TTC23L: variants seen among roughly 807,000 people sequenced by gnomAD.
TTC23L encodes the protein tetratricopeptide repeat domain 23 like.
TTC23L carries 42 observed loss-of-function variants against 48.1 expected under a neutral mutation model. The observed-to-expected ratio is 0.87, with a 90% CI of 0.68 to 1.13. The LOEUF (loss-of-function observed/expected upper bound fraction) is 1.13, where lower values mean the gene tolerates loss of function less well. Among genes scored for constraint, TTC23L ranks in the 50% most tolerant of loss-of-function variants. TTC23L has a pLI of 0.00. For synonymous variants in TTC23L, 159 were observed against 157.2 expected, an observed-to-expected ratio of 1.01 and a Z score of -0.09; for missense variants, 391 against 421.0, an observed-to-expected ratio of 0.93 and a Z score of 0.62.
At chr5:34,912,925 C>A in the TTC23L span, among the ~76,000 whole-genome samples, 1 of 152,084 alleles carries the variant, frequency 6.6e-6, no homozygotes, top group Non-Finnish European at 1.5e-5. Flanking sequence ...CACTTGAACC[C>A]GGGAGGCAGA....
the TTC23L span, chr5:34,921,814 G>A: frequency 6.5e-6 from 1 of 154,634 alleles, no homozygotes; most frequent in Non-Finnish European, 1.4e-5. Context: ...GGCTGAAGCA[G>A]GAGAATCATT....
chr5:34,844,247 C>T (rs1366663993), intron 2 of TTC23L, among the ~76,000 whole-genome samples: 1 of 152,302 alleles, frequency 6.6e-6, no homozygotes, highest in East Asian at 1.9e-4. Flanking sequence ...AGAAGGCAAG[C>T]CTGCCTGCGC....
the TTC23L span, chr5:34,922,145 T>C: frequency 3.6e-6 from 3 of 834,682 alleles, no homozygotes; most frequent in Non-Finnish European, 5.8e-6. Context: ...CTGGATGATA[T>C]TAATCACATA....
At chr5:34,896,448 T>TGAA (rs1393888520) in intron 9 of TTC23L, among the ~76,000 whole-genome samples, 1 of 152,188 alleles carries the variant, frequency 6.6e-6, no homozygotes, top group Non-Finnish European at 1.5e-5. Context: ...ACCTTGTGTG[T>TGAA]GAATCCCAAA....
intron 8 of TTC23L, among the ~76,000 whole-genome samples, chr5:34,872,356 G>A (rs1761526748): frequency 6.6e-6 from 1 of 152,050 alleles, no homozygotes; most frequent in South Asian, 2.1e-4. Flanking sequence ...AAAAATAAAA[G>A]CAAAGTTACT....
At chr5:34,890,888 C>T (rs374476327) in intron 9 of TTC23L, among the ~76,000 whole-genome samples, 193 of 152,264 alleles carry the variant, frequency 1.3e-3, no homozygotes, top group African/African-American at 4.4e-3. Flanking sequence ...AGGCATCTGC[C>T]ACTGCACCCA....
chr5:34,848,771 G>A (rs1759433611), intron 3 of TTC23L, among the ~76,000 whole-genome samples: 2 of 152,076 alleles, frequency 1.3e-5, no homozygotes, highest in African/African-American at 4.8e-5. Context: ...AGACAGAGTA[G>A]GAGGAAAGGG....
chr5:34,888,937 G>C (rs756341443), intron 9 of TTC23L, among the ~76,000 whole-genome samples: 4 of 152,080 alleles, frequency 2.6e-5, no homozygotes, highest in Admixed American at 1.3e-4. Flanking sequence ...CATAAGGCAA[G>C]TTTTTTTAGG....
chr5:34,846,539 C>T (rs163123), intron 3 of TTC23L, among the ~76,000 whole-genome samples: 12,371 of 118,990 alleles, frequency 0.1, 1,298 homozygotes, highest in African/African-American at 0.27. Flanking sequence ...CAGCCCGGGC[C>T]GACAACAGCT....
At chr5:34,919,824 T>C in the TTC23L span, 2 of 912,740 alleles carry the variant, frequency 2.2e-6, no homozygotes, top group East Asian at 2.8e-5. Context: ...GCTTTTTCTT[T>C]TTTTTCTTTT....
At chr5:34,910,223 G>T in the TTC23L span, among the ~76,000 whole-genome samples, 2 of 152,098 alleles carry the variant, frequency 1.3e-5, no homozygotes, top group East Asian at 3.9e-4. Flanking sequence ...TCCTGGAGAT[G>T]AAAGATACCA....
chr5:34,880,027 A>C (rs1762113743), intron 8 of TTC23L, among the ~76,000 whole-genome samples, 154 bp from the exon 9 acceptor site: 2 of 152,134 alleles, frequency 1.3e-5, no homozygotes, highest in Admixed American at 1.3e-4. Context: ...CAGCAAAAAA[A>C]CCACACATCT....
chr5:34,869,190 C>A (rs151071086), intron 8 of TTC23L, 177 bp downstream of exon 8: 1 of 535,508 alleles, frequency 1.9e-6, no homozygotes, highest in Non-Finnish European at 3.4e-6. Flanking sequence ...TATACCCCCA[C>A]ATTCGTTGGA....
the TTC23L span, among the ~76,000 whole-genome samples, chr5:34,919,274 CAAAAAAAAAAAAAAAA>C: frequency 5.6e-5 from 2 of 35,966 alleles, no homozygotes; most frequent in Non-Finnish European, 1.0e-4. Context: ...GACCCTGTCT[CAAAAAAAAAAAAAAAA>C]AAAAAAAAAA....
At chr5:34,885,581 C>CAATA (rs762377103) in intron 9 of TTC23L, among the ~76,000 whole-genome samples, 37 of 151,888 alleles carry the variant, frequency 2.4e-4, no homozygotes, top group Middle Eastern at 3.4e-3. Context: ...CCCATTTCTA[C>CAATA]AATAAATAAA....
intron 9 of TTC23L, among the ~76,000 whole-genome samples, chr5:34,886,174 T>C (rs1422642591): frequency 2.0e-5 from 3 of 152,056 alleles, no homozygotes; most frequent in African/African-American, 7.2e-5. Flanking sequence ...CCATGAAGAT[T>C]AAATAGTATT....
At chr5:34,923,742 G>T in the TTC23L span, among the ~76,000 whole-genome samples, 2 of 152,062 alleles carry the variant, frequency 1.3e-5, no homozygotes, top group Non-Finnish European at 2.9e-5. Flanking sequence ...GGATATACAG[G>T]GTTTGCATAC....
At chr5:34,899,467 C>G (rs1266836470), downstream of TTC23L, 1 of 152,616 alleles carries the variant, frequency 6.6e-6, no homozygotes, top group East Asian at 1.9e-4. Flanking sequence ...TAAAAATTCT[C>G]GACCACAAAA....
intron 6 of TTC23L, 119 bp from the exon 7 acceptor site, chr5:34,866,773 G>T (rs1448338499): frequency 1.1e-6 from 1 of 886,148 alleles, no homozygotes; most frequent in Non-Finnish European, 1.7e-6. Flanking sequence ...TTTTGAGCCA[G>T]CTACCAAGAT....
Sources: allele counts gnomAD v4.1 joint callset (sites outside exome capture counted in the v4.1 genomes callset), GRCh38; gene constraint gnomAD v4.1.1; transcripts MANE v1.5; gene names NCBI Gene and HGNC (gene_info 2026-07-23, HGNC 2026-07-21).